The following GNG12 variants were observed in gnomAD, a reference collection of about 807,000 sequenced individuals.
GNG12 encodes G protein subunit gamma 12.
For synonymous variants in GNG12, 28 were observed against 29.7 expected (o/e 0.94, Z 0.19); for missense variants, 69 against 83.8 (o/e 0.82, Z 0.69).
rs113764935 is a variant in GNG12 at position 67,794,583 on chromosome 1, C to T, written c.-76-17076G>A. 6.8e-4 allele frequency among the ~76,000 whole-genome samples: 104 copies of T among 152,302 alleles called. 1 individual carries two copies. The highest frequency in any genetic ancestry group is 2.4e-3 in the African/African-American group (99 of 41,562). ...GGCAAACAGCAGAAGCAGCTGCCTC[C>T]TCTAAGCTTTATGAAGATGTGGAGA... On this transcript the variant is annotated intron_variant, in intron 1 of 3. Coordinates refer to ENST00000370982, the MANE Select transcript of GNG12 (RefSeq NM_018841.6).
At chr1:67,833,031 GGGGCGGCTTCCCGCAACCTC>G (rs1264485440) in intron 1 of GNG12, among the ~76,000 whole-genome samples, 29 of 152,048 alleles carry the variant, frequency 1.9e-4, no homozygotes, top group African/African-American at 7.0e-4. Context: ...CACAGCCGTG[GGGGCGGCTTCCCGCAACCTC>G]GGGCGGCCGC....
intron 2 of GNG12, among the ~76,000 whole-genome samples, chr1:67,765,217 T>C (rs748897232): frequency 2.0e-5 from 3 of 152,162 alleles, no homozygotes; most frequent in Non-Finnish European, 2.9e-5. Context: ...CAGCCCCCAG[T>C]AGGCGATTAA....
chr1:67,721,153 C>A (rs1018202363), intron 2 of GNG12, among the ~76,000 whole-genome samples: 1 of 152,054 alleles, frequency 6.6e-6, no homozygotes, highest in Non-Finnish European at 1.5e-5. Flanking sequence ...AAATTCCTGC[C>A]CTAAAAGAAC....
At chr1:67,787,986 C>T (rs1447861459) in intron 1 of GNG12, among the ~76,000 whole-genome samples, 2 of 152,154 alleles carry the variant, frequency 1.3e-5, no homozygotes, top group African/African-American at 4.8e-5. Context: ...TTGTGAGGCA[C>T]ATGAAGTGGG....
chr1:67,736,180 G>T (rs1043604973), intron 2 of GNG12, among the ~76,000 whole-genome samples: 1 of 152,096 alleles, frequency 6.6e-6, no homozygotes, highest in Non-Finnish European at 1.5e-5. Context: ...CTAGGAGTCT[G>T]TTCATTAGGA....
At chr1:67,794,563 A>T (rs908636310) in intron 1 of GNG12, among the ~76,000 whole-genome samples, 33 of 152,202 alleles carry the variant, frequency 2.2e-4, no homozygotes, top group Non-Finnish European at 5.9e-5. Context: ...TTCATGGCAA[A>T]CAGCAGAAGC....
intron 1 of GNG12, among the ~76,000 whole-genome samples, chr1:67,811,976 A>G (rs1252858165): frequency 1.3e-5 from 2 of 152,220 alleles, no homozygotes; most frequent in Non-Finnish European, 1.5e-5. Context: ...TAAGTAAAGG[A>G]GCCAAAGAAG....
chr1:67,736,489 G>A (rs1195731146), intron 2 of GNG12, among the ~76,000 whole-genome samples: 18 of 152,176 alleles, frequency 1.2e-4, no homozygotes, highest in Non-Finnish European at 1.5e-5. Context: ...GTGCAGCTAT[G>A]TAAATGAACC....
At chr1:67,808,002 ATTACGAGAAAACT>A (rs1476904796) in intron 1 of GNG12, among the ~76,000 whole-genome samples, 4 of 152,100 alleles carry the variant, frequency 2.6e-5, no homozygotes, top group Non-Finnish European at 5.9e-5. Flanking sequence ...AGATAAAGAC[ATTACGAGAAAACT>A]TAAGAGTATC....
chr1:67,800,069 C>T (rs1465933272), intron 1 of GNG12, among the ~76,000 whole-genome samples: 1 of 152,166 alleles, frequency 6.6e-6, no homozygotes, highest in East Asian at 1.9e-4. Flanking sequence ...TGGCTGAAAT[C>T]CTTTCAATGA....
chr1:67,755,552 A>G (rs1646563167), intron 2 of GNG12, among the ~76,000 whole-genome samples: 1 of 152,146 alleles, frequency 6.6e-6, no homozygotes, highest in South Asian at 2.1e-4. Context: ...AGGTCTCACA[A>G]CCTGTAGATG....
At chr1:67,726,653 G>A (rs1370745850) in intron 2 of GNG12, among the ~76,000 whole-genome samples, 1 of 152,192 alleles carries the variant, frequency 6.6e-6, no homozygotes, top group East Asian at 1.9e-4. Context: ...GAATGAAAAG[G>A]TTAAGTCAGA....
In GNG12 at chr1:67,759,427, G is replaced by A. The variant is rs991792808; in HGVS notation, c.-27+18031C>T. 2.6e-5 allele frequency among the ~76,000 whole-genome samples: 4 copies of A among 152,294 alleles called. No homozygotes were observed. In the East Asian group the frequency reaches 5.8e-4, roughly 22 times the overall value. ...AATACAGTGTAGCCATTAAGAAAAC[G>A]AATTCTGGAATCAGGTAGGCCTGGG... On this transcript the variant is annotated intron_variant, in intron 2 of 3. Coordinates refer to ENST00000370982, the MANE Select transcript of GNG12 (RefSeq NM_018841.6).
In GNG12 at chr1:67,714,896, G is replaced by A. The variant is rs573320311; in HGVS notation, c.-26-7184C>T. Among the ~76,000 whole-genome samples the A allele has an allele frequency of 5.9e-4, 90 of 152,190 alleles. 1 individual carries two copies. The highest frequency in any genetic ancestry group is 2.0e-3 in the African/African-American group (85 of 41,478). On this transcript the variant is annotated intron_variant, in intron 2 of 3. Transcript: ENST00000370982. Reference sequence around the variant, plus strand: ...GGGACAGAGAGAAGACCATGTGAACGCAGAGGGAGAAAACGGCCATCTTTT... The same window carrying A: ...GGGACAGAGAGAAGACCATGTGAACACAGAGGGAGAAAACGGCCATCTTTT...
intron 2 of GNG12, among the ~76,000 whole-genome samples, chr1:67,725,258 C>T (rs1459231532): frequency 6.6e-6 from 1 of 152,080 alleles, no homozygotes; most frequent in Admixed American, 6.5e-5. Flanking sequence ...TTTGACATGC[C>T]AAAAAATGCA....
intron 1 of GNG12, among the ~76,000 whole-genome samples, chr1:67,807,623 A>C (rs1646901002): frequency 6.6e-6 from 1 of 151,956 alleles, no homozygotes; most frequent in Non-Finnish European, 1.5e-5. Context: ...ATTAGATATA[A>C]AGGAGGGGAC....
chr1:67,771,446 T>C (rs1646674041), intron 2 of GNG12, among the ~76,000 whole-genome samples: 1 of 152,240 alleles, frequency 6.6e-6, no homozygotes, highest in African/African-American at 2.4e-5. Flanking sequence ...GCCTGACATC[T>C]ATCTGTGAGC....
chr1:67,833,336 G>T lies in GNG12; in HGVS notation c.-77+8C>A. The stretch of plus-strand genomic sequence containing the variant: ...ACTCACCACCCGCGCCCGCCGCTTG[G>T]TACTCACCCGCCTGCCGGTGCGCTG... On this transcript the variant is annotated splice_region_variant and intron_variant, in intron 1 of 3. Coordinates refer to ENST00000370982, the MANE Select transcript of GNG12 (RefSeq NM_018841.6). 2 of 969,906 alleles carry T rather than the reference G, an allele frequency of 2.1e-6. No individual in the cohort carries two copies. Among genetic ancestry groups the T allele is most frequent in the Non-Finnish European group, 2.5e-6 (2 of 815,532 alleles). The allele number at this position is 969,906 out of a possible 1,614,324, so 60.1% of individuals were successfully genotyped here.
At chr1:67,715,788 G>A (rs1163489046) in intron 2 of GNG12, among the ~76,000 whole-genome samples, 2 of 152,196 alleles carry the variant, frequency 1.3e-5, no homozygotes, top group African/African-American at 4.8e-5. Context: ...CCTTCTGTTT[G>A]CTGTGACTGA....
Sources: allele counts gnomAD v4.1 joint callset (sites outside exome capture counted in the v4.1 genomes callset), GRCh38; gene constraint gnomAD v4.1.1; transcripts MANE v1.5; gene names NCBI Gene and HGNC (gene_info 2026-07-23, HGNC 2026-07-21).